The following ASH2L variants were observed in gnomAD, a reference collection of about 807,000 sequenced individuals.
The protein encoded by ASH2L is ASH2 like, histone lysine methyltransferase complex subunit, also known as set1/Ash2 histone methyltransferase complex subunit ASH2.
ASH2L carries 30 observed loss-of-function variants against 81.1 expected under a neutral mutation model. The ratio of observed to expected loss-of-function variants is 0.37; its 90% CI spans 0.28 to 0.50. ASH2L has a LOEUF of 0.50. Among genes scored for constraint, ASH2L ranks in the 20% least tolerant of loss-of-function variants. The pLI is 0.95. For synonymous variants in ASH2L, 273 were observed against 279.9 expected, an observed-to-expected ratio of 0.98 and a Z score of 0.24; for missense variants, 559 against 792.1, an observed-to-expected ratio of 0.71 and a Z score of 3.53.
chr8:38,118,270 A>T lies in ASH2L; in HGVS notation c.854-1000A>T, dbSNP rs576110466. On this transcript the variant is annotated intron_variant, in intron 8 of 15. Coordinates refer to ENST00000343823, the MANE Select transcript of ASH2L (RefSeq NM_004674.5). Reference sequence around the variant, plus strand: ...TCCTTTTTATTGCAGCAGAACTGCTAGTAATTCCCAAGCTTGCCCCAAATT... The same window carrying T: ...TCCTTTTTATTGCAGCAGAACTGCTTGTAATTCCCAAGCTTGCCCCAAATT... Among the ~76,000 whole-genome samples, 3 of 152,368 alleles carry T rather than the reference A, an allele frequency of 2.0e-5. No individual in the cohort carries two copies. In the South Asian group the frequency reaches 6.2e-4, roughly 32 times the overall value.
In ASH2L at chr8:38,107,027, G is replaced by A. The variant is rs774096806; in HGVS notation, c.262G>A (p.Ala88Thr). Residue 88 changes from alanine to threonine, a missense_variant, in exon 3 of 16, where the codon GCT becomes ACT. Ala to Thr is a moderately conservative substitution (Grantham distance 58, BLOSUM62 0). Transcript: ENST00000343823. ...SSNGKDTLEG[A>T]GDTSEVMDTQ... ...TCGAACTGCTCTGACACAGGAAGGTGCTGGGGATACATCAGAGGTGATGGA... is the reference window on the plus strand; with the variant it reads ...TCGAACTGCTCTGACACAGGAAGGTACTGGGGATACATCAGAGGTGATGGA... 5.6e-6 allele frequency: 9 copies of A among 1,614,028 alleles called. No individual in the cohort carries two copies. The highest frequency in any genetic ancestry group is 7.6e-6 in the Non-Finnish European group (9 of 1,179,934).
intron 1 of ASH2L, 151 bp downstream of exon 1, chr8:38,105,889 T>A: frequency 6.9e-7 from 1 of 1,451,340 alleles, no homozygotes. Context: ...GCCCGTCCCC[T>A]CTCAAGCATA....
intron 3 of ASH2L, among the ~76,000 whole-genome samples, chr8:38,108,663 A>G (rs1259323537): frequency 6.6e-6 from 1 of 152,036 alleles, no homozygotes; most frequent in Non-Finnish European, 1.5e-5. Flanking sequence ...AGAAAAAAAA[A>G]TACAAAAATT....
chr8:38,132,385 G>A (rs1053238005), intron 12 of ASH2L, among the ~76,000 whole-genome samples: 15 of 152,208 alleles, frequency 9.9e-5, no homozygotes, highest in Admixed American at 9.8e-4. Flanking sequence ...TTCTCTGGAA[G>A]TGAATAGTTA....
At chr8:38,112,675 T>C (rs1810736464) in intron 5 of ASH2L, among the ~76,000 whole-genome samples, 1 of 152,222 alleles carries the variant, frequency 6.6e-6, no homozygotes, top group Admixed American at 6.5e-5. Context: ...GATCCTAAAT[T>C]TGACTAGTTG....
intron 5 of ASH2L, 58 bp from the exon 6 acceptor site, chr8:38,114,134 C>T (rs1810798493): frequency 9.3e-7 from 1 of 1,069,806 alleles, no homozygotes; most frequent in Admixed American, 2.6e-5. Flanking sequence ...TGTTTTCTTT[C>T]TTTGTCAGCA....
At chr8:38,138,915 C>T in intron 15 of ASH2L, 40 bp downstream of exon 15, 1 of 1,613,614 alleles carries the variant, frequency 6.2e-7, no homozygotes, top group Non-Finnish European at 8.5e-7. Context: ...TCCTCAGCAT[C>T]TCCGTGGCTG....
chr8:38,106,323 G>C (rs1810429288), intron 1 of ASH2L, 55 bp from the exon 2 acceptor site: 1 of 1,535,690 alleles, frequency 6.5e-7, no homozygotes, highest in African/African-American at 1.4e-5. Context: ...TTGGGAATAG[G>C]CATTTTGAGG....
chr8:38,106,816 T>C (rs1810454807), intron 2 of ASH2L, among the ~76,000 whole-genome samples: 1 of 151,314 alleles, frequency 6.6e-6, no homozygotes, highest in Non-Finnish European at 1.5e-5. Context: ...CGGCCTTGTT[T>C]TTACATTTTT....
chr8:38,108,916 C>T (rs537865060), intron 3 of ASH2L, among the ~76,000 whole-genome samples: 8 of 152,068 alleles, frequency 5.3e-5, no homozygotes, highest in African/African-American at 1.9e-4. Context: ...CCTGTCTCTA[C>T]GAGAAATAGA....
chr8:38,111,849 T>C (rs1047882893), intron 5 of ASH2L, among the ~76,000 whole-genome samples: 3 of 152,202 alleles, frequency 2.0e-5, no homozygotes, highest in African/African-American at 7.2e-5. Flanking sequence ...AATTTAACAT[T>C]GGTGCAGTAC....
chr8:38,112,544 T>G (rs530813032), intron 5 of ASH2L, among the ~76,000 whole-genome samples: 1 of 152,302 alleles, frequency 6.6e-6, no homozygotes, highest in South Asian at 2.1e-4. Context: ...ATTACAGTTG[T>G]GAGCCACTGT....
intron 12 of ASH2L, among the ~76,000 whole-genome samples, chr8:38,132,676 G>A (rs1236664344): frequency 6.6e-6 from 1 of 151,574 alleles, no homozygotes; most frequent in African/African-American, 2.4e-5. Flanking sequence ...GCACATGCCT[G>A]TAATCCCAGC....
intron 13 of ASH2L, among the ~76,000 whole-genome samples, chr8:38,134,559 A>G (rs958039456): frequency 6.6e-6 from 1 of 152,216 alleles, no homozygotes; most frequent in Non-Finnish European, 1.5e-5. Context: ...GCCCAAGGTC[A>G]TAGCACAGTC....
chr8:38,107,744 C>T (rs74808703), intron 3 of ASH2L, among the ~76,000 whole-genome samples: 5,217 of 152,028 alleles, frequency 0.034, 288 homozygotes, highest in East Asian at 0.24. Context: ...TTGTACTGCT[C>T]GCTCTCTGTA....
chr8:38,132,581 C>G (rs947653593), intron 12 of ASH2L, among the ~76,000 whole-genome samples: 1 of 151,860 alleles, frequency 6.6e-6, no homozygotes, highest in Non-Finnish European at 1.5e-5. Flanking sequence ...GGTGGATCAC[C>G]TGAGGTCAGG....
chr8:38,125,125 C>G (rs1031923262), intron 10 of ASH2L, among the ~76,000 whole-genome samples: 1 of 152,176 alleles, frequency 6.6e-6, no homozygotes, highest in Non-Finnish European at 1.5e-5. Flanking sequence ...GACCACACCT[C>G]CAACATTGTG....
chr8:38,126,770 C>T (rs1296459104), intron 10 of ASH2L, among the ~76,000 whole-genome samples: 1 of 147,830 alleles, frequency 6.8e-6, no homozygotes, highest in Non-Finnish European at 1.5e-5. Context: ...AGGAGAATGG[C>T]GTGAACCCGG....
chr8:38,138,922 G>A (rs1289461696), intron 15 of ASH2L, 42 bp from the exon 16 acceptor site: 1 of 1,613,522 alleles, frequency 6.2e-7, no homozygotes. Context: ...CATCTCCGTG[G>A]CTGCTGTAGT....
Sources: gnomAD v4.1 joint callset for allele counts (sites outside exome capture counted in the v4.1 genomes callset) on GRCh38, gnomAD v4.1.1 for gene constraint, MANE v1.5 for transcripts, NCBI Gene and HGNC (gene_info 2026-07-23, HGNC 2026-07-21) for gene names.